Variants in NUCKS1 observed in about 807,000 individuals in gnomAD.
NUCKS1 encodes nuclear ubiquitous casein and cyclin-dependent kinase substrate 1.
NUCKS1 carries 2 observed loss-of-function variants against 33.0 expected under a neutral mutation model. That is an observed-to-expected ratio of 0.06 (90% CI 0.02 to 0.19). The LOEUF is 0.19. Ranked by LOEUF, NUCKS1 falls within the 10% of genes least tolerant of loss-of-function variation. The pLI is 1.00. For synonymous variants in NUCKS1, 106 were observed against 102.8 expected, an observed-to-expected ratio of 1.03 and a Z score of -0.19; for missense variants, 201 against 293.6, an observed-to-expected ratio of 0.68 and a Z score of 2.31.
chr1:205,730,720 T>C (rs1016703462), intron 1 of NUCKS1, among the ~76,000 whole-genome samples: 1 of 151,980 alleles, frequency 6.6e-6, no homozygotes, highest in Non-Finnish European at 1.5e-5. Flanking sequence ...CCTGATCTCG[T>C]GATCCGCCCG....
rs34305872 is a variant in NUCKS1, at chr1:205,717,395, GT to G, written c.*884del. On this transcript the variant is annotated 3_prime_UTR_variant, in exon 7 of 7. Coordinates refer to ENST00000367142, the MANE Select transcript of NUCKS1 (RefSeq NM_022731.5). ...CTGATCTTGTTGATTAAATTCTAGG[GT>G]TTTTTTTTTTTTGGATTCTTGGTAA... 8.3e-3 allele frequency: 7,168 copies of G among 860,264 alleles called. No individual in the cohort carries two copies. The highest frequency in any genetic ancestry group is 0.016 in the South Asian group (288 of 17,500). The allele number at this position is 860,264 out of a possible 1,614,324, so 53.3% of individuals were successfully genotyped here.
chr1:205,729,706 C>T, intron 1 of NUCKS1, 85 bp from the exon 2 acceptor site: 2 of 985,034 alleles, frequency 2.0e-6, no homozygotes, highest in Non-Finnish European at 3.2e-6. Context: ...CTTTCATAAA[C>T]AGAACTGAAC....
intron 4 of NUCKS1, among the ~76,000 whole-genome samples, chr1:205,722,308 G>A (rs1015074248): frequency 6.6e-6 from 1 of 152,102 alleles, no homozygotes; most frequent in African/African-American, 2.4e-5. Flanking sequence ...TTAGGCTGGA[G>A]TACAACAGTG....
At chr1:205,747,028 T>C (rs76116971) in intron 1 of NUCKS1, among the ~76,000 whole-genome samples, 1 of 152,360 alleles carries the variant, frequency 6.6e-6, no homozygotes, top group Non-Finnish European at 1.5e-5. Flanking sequence ...CTCTTACAAG[T>C]AATGGCATTT....
intron 3 of NUCKS1, among the ~76,000 whole-genome samples, chr1:205,726,303 C>T (rs1055209244): frequency 6.6e-6 from 1 of 152,182 alleles, no homozygotes; most frequent in Admixed American, 6.5e-5. Flanking sequence ...ATCGCTTGAG[C>T]CCAGGAGTTT....
At chr1:205,723,443 T>C (rs549260119) in intron 4 of NUCKS1, among the ~76,000 whole-genome samples, 4 of 152,310 alleles carry the variant, frequency 2.6e-5, no homozygotes, top group South Asian at 2.1e-4. Flanking sequence ...AAAAAAACTT[T>C]CTCTATGGCT....
At chr1:205,728,821 G>A (rs939295070) in intron 2 of NUCKS1, among the ~76,000 whole-genome samples, 1 of 152,130 alleles carries the variant, frequency 6.6e-6, no homozygotes, top group Non-Finnish European at 1.5e-5. Context: ...ATAAATATAA[G>A]TTGTTTCACA....
rs771094229 is a variant in NUCKS1 at position 205,717,236 on chromosome 1, T to C, written c.*1044A>G. The C allele has an allele frequency of 1.2e-6, 1 of 855,996 alleles. No homozygotes were observed. The highest frequency in any genetic ancestry group is 1.4e-6 in the Non-Finnish European group (1 of 710,156). 53.0% of individuals were successfully genotyped at this position (855,996 alleles called of 1,614,324 possible). ...GGGACCTGAATGCACATTTATAGCA[T>C]AAAAGAATGTCAATTCTATTTCATA... On this transcript the variant is annotated 3_prime_UTR_variant, in exon 7 of 7. Transcript: ENST00000367142.
intron 3 of NUCKS1, among the ~76,000 whole-genome samples, chr1:205,725,381 AC>A (rs1434076575): frequency 2.6e-5 from 4 of 152,216 alleles, no homozygotes; most frequent in Non-Finnish European, 4.4e-5. Context: ...CATAATCTAG[AC>A]CACACTCAAA....
At chr1:205,749,857 G>T (rs1010085779) in intron 1 of NUCKS1, 100 bp downstream of exon 1, 2 of 1,315,464 alleles carry the variant, frequency 1.5e-6, no homozygotes, top group East Asian at 5.3e-5. Flanking sequence ...GCCGCGCGCG[G>T]CACCGGGGAT....
chr1:205,749,832 C>T, intron 1 of NUCKS1, 125 bp downstream of exon 1: 1 of 1,057,492 alleles, frequency 9.5e-7, no homozygotes, highest in Non-Finnish European at 1.4e-6. Flanking sequence ...GCGCGCGGGC[C>T]CCGAAAGGGA....
chr1:205,721,729 A>T (rs2102431285), intron 4 of NUCKS1, among the ~76,000 whole-genome samples: 1 of 151,524 alleles, frequency 6.6e-6, no homozygotes, highest in East Asian at 1.9e-4. Flanking sequence ...GCTGGAGTGC[A>T]ATATAGCGCA....
intron 1 of NUCKS1, among the ~76,000 whole-genome samples, chr1:205,734,390 C>G (rs893626953): frequency 8.6e-5 from 13 of 151,738 alleles, no homozygotes; most frequent in African/African-American, 3.1e-4. Flanking sequence ...CTGAAAACAG[C>G]CAGAATGATC....
chr1:205,731,192 T>C (rs1653901099), intron 1 of NUCKS1: 1 of 152,216 alleles, frequency 6.6e-6, no homozygotes, highest in African/African-American at 2.4e-5. Context: ...TCTAAACTTT[T>C]TTTTTCCTTT....
chr1:205,723,985 TAA>T lies in NUCKS1; in HGVS notation c.174-6_174-5del. 6.2e-7 allele frequency: 1 copy of T among 1,610,686 alleles called. No individual in the cohort carries two copies. ...ATCTTTGTCTTCTGAGTCCTCACTA[TAA>T]AGGGAGGCAAAAAAGCAAATGCATA... On this transcript the variant is annotated splice_region_variant and splice_polypyrimidine_tract_variant and intron_variant, in intron 3 of 6. Coordinates refer to ENST00000367142, the MANE Select transcript of NUCKS1 (RefSeq NM_022731.5).
At chr1:205,745,191 T>G (rs1411535417) in intron 1 of NUCKS1, among the ~76,000 whole-genome samples, 1 of 152,200 alleles carries the variant, frequency 6.6e-6, no homozygotes, top group African/African-American at 2.4e-5. Context: ...GCCTTGATAT[T>G]ATCTCTACAC....
rs946362374 is a variant in NUCKS1, at chr1:205,717,559, CTCTT to C, written c.*717_*720del. 106 of 983,944 alleles carry C rather than the reference CTCTT, an allele frequency of 1.1e-4. No homozygotes were observed. In the African/African-American group the frequency reaches 1.8e-3, roughly 17 times the overall value. 61.0% of individuals were successfully genotyped at this position (983,944 alleles called of 1,614,324 possible). On this transcript the variant is annotated 3_prime_UTR_variant, in exon 7 of 7. Transcript: ENST00000367142. Reference sequence around the variant, plus strand: ...GATAAAAGGATCACTGGCTCCGAGTCTCTTTGAGATAACAAGTGATGAAATAAAA... The same window carrying C: ...GATAAAAGGATCACTGGCTCCGAGTCTGAGATAACAAGTGATGAAATAAAA...
intron 1 of NUCKS1, among the ~76,000 whole-genome samples, chr1:205,740,476 G>A (rs928684589): frequency 6.6e-6 from 1 of 152,002 alleles, no homozygotes; most frequent in African/African-American, 2.4e-5. Context: ...TTAGCCAGGT[G>A]TGGTGGCGCA....
chr1:205,744,475 A>T (rs1333483049), intron 1 of NUCKS1, among the ~76,000 whole-genome samples: 1 of 152,100 alleles, frequency 6.6e-6, no homozygotes, highest in African/African-American at 2.4e-5. Flanking sequence ...TTTTCAGCTC[A>T]TGCTGTTAAA....
Sources: allele counts gnomAD v4.1 joint callset (sites outside exome capture counted in the v4.1 genomes callset), GRCh38; gene constraint gnomAD v4.1.1; transcripts MANE v1.5; gene names NCBI Gene and HGNC (gene_info 2026-07-23, HGNC 2026-07-21).